KAZN: variants seen among roughly 807,000 people sequenced by gnomAD.
KAZN encodes the protein kazrin, periplakin interacting protein.
Under a neutral mutation model 87.4 loss-of-function variants are expected in KAZN, and 40 were observed. That is an observed-to-expected ratio of 0.46 (90% CI 0.36 to 0.60). The LOEUF (loss-of-function observed/expected upper bound fraction) is 0.60. Among genes scored for constraint, KAZN ranks in the 20% least tolerant of loss-of-function variants. The pLI is 0.00. For missense variants in KAZN, 898 were observed against 1,073.9 expected, an observed-to-expected ratio of 0.84 and a Z score of 2.29; for synonymous variants, 466 against 458.3, an observed-to-expected ratio of 1.02 and a Z score of -0.22.
At chr1:15,006,955 G>C (rs141925680) in intron 2 of KAZN, among the ~76,000 whole-genome samples, 4,202 of 151,464 alleles carry the variant, frequency 0.028, 87 homozygotes, top group Non-Finnish European at 0.041. Context: ...TACTCGGGAG[G>C]CTGAGGCAGG....
chr1:15,085,452 T>A (rs997683635), intron 8 of KAZN, among the ~76,000 whole-genome samples: 3 of 151,912 alleles, frequency 2.0e-5, no homozygotes, highest in African/African-American at 7.3e-5. Context: ...CTCAGCCTCC[T>A]GAGTAGCTGG....
chr1:14,633,103 T>C (rs765921808), intron 1 of KAZN, among the ~76,000 whole-genome samples: 4 of 152,000 alleles, frequency 2.6e-5, no homozygotes, highest in Non-Finnish European at 5.9e-5. Flanking sequence ...TTTAAGTAGA[T>C]ACAGGGTTTC....
intron 2 of KAZN, among the ~76,000 whole-genome samples, chr1:14,431,044 T>G (rs1339183351): frequency 6.6e-6 from 1 of 152,168 alleles, no homozygotes; most frequent in African/African-American, 2.4e-5. Context: ...GGTTTGTAAT[T>G]ATAAGTGTGC....
At chr1:14,736,975 T>C (rs1643928116) in intron 1 of KAZN, among the ~76,000 whole-genome samples, 2 of 152,114 alleles carry the variant, frequency 1.3e-5, no homozygotes, top group South Asian at 2.1e-4. Flanking sequence ...GACTTTCTTA[T>C]GAAAGAGATC....
intron 2 of KAZN, among the ~76,000 whole-genome samples, chr1:14,309,524 C>A (rs774990354): frequency 6.6e-6 from 1 of 152,164 alleles, no homozygotes; most frequent in Non-Finnish European, 1.5e-5. Context: ...GGATTTGATT[C>A]TAATGCTACA....
chr1:14,610,302 G>C (rs1677713921), intron 1 of KAZN, among the ~76,000 whole-genome samples: 1 of 152,092 alleles, frequency 6.6e-6, no homozygotes, highest in African/African-American at 2.4e-5. Flanking sequence ...CCGCCTCCCG[G>C]GTTCACACCA....
intron 4 of KAZN, among the ~76,000 whole-genome samples, chr1:15,049,371 C>T (rs896728284): frequency 1.3e-5 from 2 of 152,230 alleles, no homozygotes; most frequent in Admixed American, 6.5e-5. Context: ...AACAAGGGCA[C>T]CATAGACGTT....
chr1:14,000,162 G>T (rs1422300566), intron 1 of KAZN, among the ~76,000 whole-genome samples: 1 of 152,108 alleles, frequency 6.6e-6, no homozygotes, highest in Non-Finnish European at 1.5e-5. Context: ...CTATTCCAAA[G>T]AATTGAAAAG....
intron 13 of KAZN, among the ~76,000 whole-genome samples, chr1:15,110,461 GTGTT>G (rs1206038789): frequency 1.6e-4 from 24 of 149,560 alleles, no homozygotes; most frequent in African/African-American, 3.4e-4. Flanking sequence ...GTATTTGTGT[GTGTT>G]TGTATGTTTG....
At chr1:13,998,355 A>T (rs10927983) in intron 1 of KAZN, among the ~76,000 whole-genome samples, 22,101 of 152,190 alleles carry the variant, frequency 0.15, 1,710 homozygotes, top group Middle Eastern at 0.22. Flanking sequence ...TGATGACAGG[A>T]TCAAATTCAC....
chr1:14,949,870 A>G lies in KAZN; in HGVS notation c.227-10814A>G, dbSNP rs1305247705. On this transcript the variant is annotated intron_variant, in intron 1 of 14. Coordinates refer to ENST00000376030, the MANE Select transcript of KAZN (RefSeq NM_201628.3). This position sits in a 1 kb window ranked among gnomAD's most constrained non-coding sequence, Gnocchi z 4.3. ...TGGAGCTGGGTGGGCCCATCTCCCC[A>G]TGGGAACTCTGGGCAGCAAGATGGT... Among the ~76,000 whole-genome samples, 2 of 147,968 alleles carry G rather than the reference A, an allele frequency of 1.4e-5. No individual in the cohort carries two copies. Among genetic ancestry groups the G allele is most frequent in the Admixed American group, 6.7e-5 (1 of 14,942 alleles).
At chr1:14,185,427 A>G (rs1646283104) in intron 2 of KAZN, among the ~76,000 whole-genome samples, 1 of 152,222 alleles carries the variant, frequency 6.6e-6, no homozygotes, top group Non-Finnish European at 1.5e-5. Context: ...AAAAGCTACA[A>G]TGATAAGCTG....
chr1:14,974,917 A>G lies in KAZN; in HGVS notation c.418+14042A>G, dbSNP rs142749849. ...GTCAAATGGCACATGTTAAATATGT[A>G]CAGTTCATTGTATTTTATTTAAAAC... On this transcript the variant is annotated intron_variant, in intron 2 of 14. Coordinates refer to ENST00000376030, the MANE Select transcript of KAZN (RefSeq NM_201628.3). Among the ~76,000 whole-genome samples, 7 of 152,354 alleles carry G rather than the reference A, an allele frequency of 4.6e-5. No individual in the cohort carries two copies. In the East Asian group the frequency reaches 1.3e-3, roughly 29 times the overall value.
chr1:14,690,152 A>C (rs1341223958), intron 1 of KAZN, among the ~76,000 whole-genome samples: 2 of 152,216 alleles, frequency 1.3e-5, no homozygotes, highest in Non-Finnish European at 2.9e-5. Context: ...CTCATCCGGC[A>C]GACTCGCCAC....
intron 1 of KAZN, among the ~76,000 whole-genome samples, chr1:14,629,082 G>A (rs1341440233): frequency 6.6e-6 from 1 of 152,030 alleles, no homozygotes; most frequent in African/African-American, 2.4e-5. Context: ...CCTGACCTCA[G>A]GCGATCCGCC....
intron 1 of KAZN, among the ~76,000 whole-genome samples, chr1:14,898,213 G>A (rs914599340): frequency 6.6e-6 from 1 of 152,086 alleles, no homozygotes; most frequent in African/African-American, 2.4e-5. Flanking sequence ...TGCCATTCTT[G>A]CTACATCATT....
intron 1 of KAZN, among the ~76,000 whole-genome samples, chr1:13,987,765 T>TA (rs1639089170): frequency 1.3e-5 from 2 of 152,194 alleles, no homozygotes; most frequent in Admixed American, 1.3e-4. Flanking sequence ...TTAATAGTGT[T>TA]ACAATGTCAA....
intron 1 of KAZN, among the ~76,000 whole-genome samples, chr1:14,049,355 T>C (rs1411228470): frequency 2.6e-5 from 4 of 152,130 alleles, no homozygotes; most frequent in Non-Finnish European, 5.9e-5. Context: ...TTAGGAGGTA[T>C]ACCTAATGTT....
chr1:14,462,925 C>G (rs566300022), intron 2 of KAZN, among the ~76,000 whole-genome samples: 1 of 152,236 alleles, frequency 6.6e-6, no homozygotes, highest in Non-Finnish European at 1.5e-5. Flanking sequence ...AACCATATCA[C>G]CCAGCAAAGA....
Sources: allele counts gnomAD v4.1 joint callset (sites outside exome capture counted in the v4.1 genomes callset), GRCh38; gene constraint gnomAD v4.1.1; non-coding constraint Gnocchi (gnomAD v3.1); transcripts MANE v1.5; gene names NCBI Gene and HGNC (gene_info 2026-07-23, HGNC 2026-07-21).